The following PDE2A variants were observed in gnomAD, a reference collection of about 807,000 sequenced individuals.
The protein encoded by PDE2A is cGMP-dependent 3',5'-cyclic phosphodiesterase.
Under a neutral mutation model 133.6 loss-of-function variants are expected in PDE2A, and 53 were observed. That is an observed-to-expected ratio of 0.40 (90% CI 0.32 to 0.50). The LOEUF (loss-of-function observed/expected upper bound fraction) is 0.50. Among genes scored for constraint, PDE2A ranks in the 20% least tolerant of loss-of-function variants. The probability of loss-of-function intolerance (pLI) is 0.73; values close to 1 mark genes in which losing one functional copy is unlikely to be tolerated. For synonymous variants in PDE2A, 491 were observed against 490.2 expected (o/e 1.00, Z -0.02); for missense variants, 796 against 1,232.4 (o/e 0.65, Z 5.30).
chr11:72,663,346 C>T (rs183489011), intron 1 of PDE2A, among the ~76,000 whole-genome samples: 1 of 152,276 alleles, frequency 6.6e-6, no homozygotes, highest in East Asian at 1.9e-4. Context: ...AGATACAGAG[C>T]GCGGTGATCA....
intron 3 of PDE2A, among the ~76,000 whole-genome samples, chr11:72,605,602 T>C (rs1565165514): frequency 6.6e-6 from 1 of 152,164 alleles, no homozygotes; most frequent in South Asian, 2.1e-4. Flanking sequence ...CAGCAAACAA[T>C]AACTGAGCAT....
intron 1 of PDE2A, among the ~76,000 whole-genome samples, chr11:72,654,602 A>G (rs1854840472): frequency 6.6e-6 from 1 of 151,790 alleles, no homozygotes; most frequent in African/African-American, 2.4e-5. Flanking sequence ...CCTCATCAGG[A>G]TGGGTGACAG....
At chr11:72,661,420 G>T (rs1855055803) in intron 1 of PDE2A, among the ~76,000 whole-genome samples, 1 of 152,092 alleles carries the variant, frequency 6.6e-6, no homozygotes, top group African/African-American at 2.4e-5. Context: ...TTTTTTGGGG[G>T]GGTTTTTTGG....
At chr11:72,623,642 T>C (rs546438867) in intron 2 of PDE2A, among the ~76,000 whole-genome samples, 32 of 151,974 alleles carry the variant, frequency 2.1e-4, no homozygotes, top group Non-Finnish European at 3.8e-4. Context: ...ACCCCACTAG[T>C]GCTGACCCTC....
intron 1 of PDE2A, chr11:72,652,539 C>A (rs1202458635): frequency 2.2e-6 from 1 of 456,064 alleles, no homozygotes; most frequent in Non-Finnish European, 4.4e-6. Context: ...GCCTGAAGAA[C>A]CCTCCTTCTC....
intron 1 of PDE2A, among the ~76,000 whole-genome samples, chr11:72,664,494 C>T (rs1436659488): frequency 6.7e-6 from 1 of 149,946 alleles, no homozygotes; most frequent in African/African-American, 2.5e-5. Flanking sequence ...CTGCCTCAGC[C>T]TCCCGAGTAG....
intron 3 of PDE2A, among the ~76,000 whole-genome samples, chr11:72,605,956 C>T (rs1481708334): frequency 6.6e-6 from 1 of 152,076 alleles, no homozygotes; most frequent in Non-Finnish European, 1.5e-5. Context: ...GTCAGTAGGG[C>T]TGAGTGGGAT....
intron 1 of PDE2A, among the ~76,000 whole-genome samples, chr11:72,668,744 T>C (rs1247981532): frequency 6.6e-6 from 1 of 152,258 alleles, no homozygotes; most frequent in Non-Finnish European, 1.5e-5. Context: ...AAGCCCTTTC[T>C]TCCATTGTAT....
chr11:72,637,812 A>G (rs191192837), intron 2 of PDE2A, among the ~76,000 whole-genome samples: 1 of 152,340 alleles, frequency 6.6e-6, no homozygotes, highest in Admixed American at 6.5e-5. Context: ...GAGATGAGTC[A>G]GGTTGGAGAA....
intron 24 of PDE2A, 113 bp downstream of exon 24, chr11:72,580,773 G>A (rs1425058357): frequency 2.1e-6 from 2 of 955,598 alleles, no homozygotes; most frequent in East Asian, 2.5e-5. Flanking sequence ...CTCCTCCTGT[G>A]TCTAAACCTG....
intron 2 of PDE2A, among the ~76,000 whole-genome samples, chr11:72,634,095 G>A (rs756022227): frequency 6.6e-6 from 1 of 152,206 alleles, no homozygotes; most frequent in Non-Finnish European, 1.5e-5. Flanking sequence ...TAAACCCAGA[G>A]AGCGCCAGAG....
intron 1 of PDE2A, among the ~76,000 whole-genome samples, chr11:72,646,549 C>T (rs558743688): frequency 1.3e-5 from 2 of 152,156 alleles, no homozygotes; most frequent in African/African-American, 4.8e-5. Flanking sequence ...TAGCCCAGGA[C>T]CCCCCAAAGC....
chr11:72,670,238 C>A (rs765903049), intron 1 of PDE2A, among the ~76,000 whole-genome samples: 1 of 152,152 alleles, frequency 6.6e-6, no homozygotes, highest in Non-Finnish European at 1.5e-5. Context: ...TACCTTCCTG[C>A]GACATTAACA....
chr11:72,583,427 G>A lies in PDE2A; in HGVS notation c.1728+11C>T. Reference sequence around the variant, plus strand: ...TCTGGGAGGAGGACCAGAGGTCTCTGCAAGCCTCACCTTCATGTGGTACAT... The same window carrying A: ...TCTGGGAGGAGGACCAGAGGTCTCTACAAGCCTCACCTTCATGTGGTACAT... On this transcript the variant is annotated intron_variant, in intron 20 of 30. Transcript: ENST00000334456. 2.9e-5 allele frequency: 46 copies of A among 1,592,476 alleles called. No homozygotes were observed. The highest frequency in any genetic ancestry group is 3.8e-5 in the Non-Finnish European group (44 of 1,160,706).
chr11:72,610,925 C>A (rs1857186169), intron 2 of PDE2A, among the ~76,000 whole-genome samples: 2 of 152,224 alleles, frequency 1.3e-5, no homozygotes, highest in Admixed American at 6.5e-5. Context: ...GCTATTATGG[C>A]CTTCCAAGGT....
In PDE2A at chr11:72,584,861, C is replaced by G; in HGVS notation, c.1359+11G>C. 1 of 1,613,176 alleles carries G rather than the reference C, an allele frequency of 6.2e-7. No homozygotes were observed. The highest frequency in any genetic ancestry group is 8.5e-7 in the Non-Finnish European group (1 of 1,179,106). ...CCCCTAGGGCCACATACTCCCTCCA[C>G]ACCCTCTCACCTCATCATCCACCAC... On this transcript the variant is annotated intron_variant, in intron 17 of 30. Coordinates refer to ENST00000334456, the MANE Select transcript of PDE2A (RefSeq NM_002599.5).
chr11:72,595,438 C>T (rs567624211), intron 6 of PDE2A, among the ~76,000 whole-genome samples: 9 of 151,936 alleles, frequency 5.9e-5, no homozygotes, highest in African/African-American at 2.2e-4. Context: ...GAGCAGCTTG[C>T]GGAGAAACCA....
chr11:72,609,142 C>T (rs1369463531), intron 2 of PDE2A, among the ~76,000 whole-genome samples: 2 of 152,226 alleles, frequency 1.3e-5, no homozygotes, highest in Non-Finnish European at 2.9e-5. Context: ...TGAATCCTAG[C>T]TCCGCTGTGT....
At chr11:72,662,795 A>G (rs1167551258) in intron 1 of PDE2A, among the ~76,000 whole-genome samples, 1 of 152,112 alleles carries the variant, frequency 6.6e-6, no homozygotes, top group Admixed American at 6.5e-5. Flanking sequence ...ACCTGGGTCT[A>G]GCCCCCCTAC....
Sources: allele counts gnomAD v4.1 joint callset (sites outside exome capture counted in the v4.1 genomes callset), GRCh38; gene constraint gnomAD v4.1.1; transcripts MANE v1.5; gene names NCBI Gene and HGNC (gene_info 2026-07-23, HGNC 2026-07-21).